Variants in CEP131 observed in about 807,000 individuals in gnomAD.
CEP131 encodes the protein centrosomal protein 131, also known as centrosomal protein of 131 kDa.
CEP131 carries 99 observed loss-of-function variants against 136.8 expected under a neutral mutation model. That is an observed-to-expected ratio of 0.72 (90% CI 0.62 to 0.86). The LOEUF is 0.86. Ranked by LOEUF, CEP131 falls within the 40% of genes least tolerant of loss-of-function variation. CEP131 has a pLI of 0.00. For missense variants in CEP131, 1,459 were observed against 1,463.0 expected, an observed-to-expected ratio of 1.00 and a Z score of 0.04; for synonymous variants, 646 against 612.7, an observed-to-expected ratio of 1.05 and a Z score of -0.80.
intron 2 of CEP131, among the ~76,000 whole-genome samples, chr17:81,218,732 G>A (rs571055402): frequency 1.4e-4 from 21 of 152,330 alleles, no homozygotes; most frequent in Admixed American, 2.6e-4. Flanking sequence ...GCCGTCTGGC[G>A]GGCCACACCC....
At position 81,197,585 on chromosome 17, in the gene CEP131, C is replaced by T. The variant is rs534072152; in HGVS notation, c.1647+127G>A. 3.4e-4 allele frequency: 458 copies of T among 1,364,268 alleles called. 3 individuals carry two copies. The highest frequency in any genetic ancestry group is 2.0e-3 in the African/African-American group (127 of 64,802). The allele number at this position is 1,364,268 out of a possible 1,614,324, so 84.5% of individuals were successfully genotyped here. On this transcript the variant is annotated intron_variant, in intron 13 of 25. Coordinates refer to ENST00000450824, the MANE Select transcript of CEP131 (RefSeq NM_014984.4). ...CTGCTGGGGGCCGGGTGGGGGCTGGCGAGAGACCTCCTCCCCCTGGGGGCC... is the reference window on the plus strand; with the variant it reads ...CTGCTGGGGGCCGGGTGGGGGCTGGTGAGAGACCTCCTCCCCCTGGGGGCC...
chr17:81,211,442 G>A (rs1026688037), intron 2 of CEP131, among the ~76,000 whole-genome samples: 3 of 152,232 alleles, frequency 2.0e-5, no homozygotes, highest in Non-Finnish European at 4.4e-5. Context: ...AGTGAGGAGA[G>A]GATTGACAAG....
chr17:81,205,056 C>G (rs113636207), intron 5 of CEP131, among the ~76,000 whole-genome samples: 2,162 of 152,002 alleles, frequency 0.014, 49 homozygotes, highest in African/African-American at 0.046. Context: ...GTTAGGGGTT[C>G]GAGACCAGTC....
chr17:81,207,939 A>ACG (rs2062045905), intron 3 of CEP131, among the ~76,000 whole-genome samples: 1 of 135,528 alleles, frequency 7.4e-6, no homozygotes, highest in Non-Finnish European at 1.6e-5. Flanking sequence ...CACACACCAT[A>ACG]CACCACACAC....
At position 81,209,108 on chromosome 17, in the gene CEP131, G is replaced by A. The variant is rs1053775633; in HGVS notation, c.178-86C>T. 1.2e-5 allele frequency: 12 copies of A among 1,018,234 alleles called. No homozygotes were observed. In the Admixed American group the frequency reaches 1.7e-4, roughly 14 times the overall value. 63.1% of individuals were successfully genotyped at this position (1,018,234 alleles called of 1,614,324 possible). Reference sequence around the variant, plus strand: ...CCTCCGCCAGCTTTGGAGAAACGCAGTCAGAGAACAGAGGGGTGGCCCTAG... The same window carrying A: ...CCTCCGCCAGCTTTGGAGAAACGCAATCAGAGAACAGAGGGGTGGCCCTAG... On this transcript the variant is annotated intron_variant, in intron 2 of 25. Transcript: ENST00000450824.
rs763281574 is a variant in CEP131 at position 81,202,323 on chromosome 17, A to G, written c.705T>C (p.Ser235=). 3 of 1,613,522 alleles carry G rather than the reference A, an allele frequency of 1.9e-6. No homozygotes were observed. In the East Asian group the frequency reaches 6.7e-5, roughly 36 times the overall value. The change falls in exon 7 of 26, where the codon AGT becomes AGC. Residue 235 remains serine, a synonymous_variant. Transcript: ENST00000450824. The part of the protein sequence containing the change: ...GFGKLPKNVS[S]ATHSARNNTG... ...TATTGTTCCGGGCTGAGTGGGTGGC[A>G]CTGGAGACATTCTTCGGCAGCTTCC...
At chr17:81,192,635 A>G in intron 19 of CEP131, 42 bp from the exon 20 acceptor site, 1 of 1,337,006 alleles carries the variant, frequency 7.5e-7, no homozygotes, top group Non-Finnish European at 1.0e-6. Flanking sequence ...GTCATCGAGT[A>G]AGGAGTCAGG....
Position 81,207,110 on chromosome 17 carries a change from C to T in CEP131, c.387+15G>A. 6.2e-7 allele frequency: 1 copy of T among 1,604,034 alleles called. No homozygotes were observed. The highest frequency in any genetic ancestry group is 1.1e-5 in the South Asian group (1 of 90,362). On this transcript the variant is annotated intron_variant, in intron 4 of 25. Transcript: ENST00000450824. ...TCACAGAGACCAGGACGTGGGGCCG[C>T]ATGCACCACCTTACCAGGACGTTCC...
rs2062056871 is a variant in CEP131 at position 81,208,178 on chromosome 17, T to G, written c.272+750A>C. ...TTGGCAGTCCCTTGCTTGGTGGGACTCCACGAAGCTAGTTGCTGAGCTAAG... is the reference window on the plus strand; with the variant it reads ...TTGGCAGTCCCTTGCTTGGTGGGACGCCACGAAGCTAGTTGCTGAGCTAAG... On this transcript the variant is annotated intron_variant, in intron 3 of 25. Coordinates refer to ENST00000450824, the MANE Select transcript of CEP131 (RefSeq NM_014984.4). The surrounding 1 kb of genome is among the most constrained non-coding windows in gnomAD (Gnocchi z 5.6). Among the ~76,000 whole-genome samples the G allele has an allele frequency of 6.6e-6, 1 of 150,992 alleles. No individual in the cohort carries two copies. Among genetic ancestry groups the G allele is most frequent in the Admixed American group, 6.6e-5 (1 of 15,188 alleles).
chr17:81,197,303 C>G (rs1287040714), intron 13 of CEP131: 1 of 579,762 alleles, frequency 1.7e-6, no homozygotes, highest in African/African-American at 1.9e-5. Flanking sequence ...TGCTGCCCAG[C>G]TTCCTGCCCT....
At chr17:81,199,897 C>T (rs993546819) in intron 8 of CEP131, 62 bp from the exon 9 acceptor site, 28 of 1,548,550 alleles carry the variant, frequency 1.8e-5, no homozygotes, top group Non-Finnish European at 2.4e-5. Flanking sequence ...AGACCCAGAC[C>T]AGAGGTTTCC....
chr17:81,220,245 T>C (rs1281370685), intron 1 of CEP131, among the ~76,000 whole-genome samples, 172 bp from the exon 2 acceptor site: 1 of 152,120 alleles, frequency 6.6e-6, no homozygotes, highest in Non-Finnish European at 1.5e-5. Context: ...GACAGGAACA[T>C]GAGGGAGCTG....
rs887847337 is a variant in CEP131 at position 81,208,255 on chromosome 17, T to C, written c.272+673A>G. 1.3e-5 allele frequency among the ~76,000 whole-genome samples: 2 copies of C among 152,258 alleles called. No individual in the cohort carries two copies. Among genetic ancestry groups the C allele is most frequent in the Non-Finnish European group, 2.9e-5 (2 of 68,012 alleles). ...AGGGTGTGGTGGCCGCAGTTCTTGG[T>C]CTTCCCAGGAAGGGTCCACCCGGGG... is the stretch of plus-strand genomic sequence containing the variant. On this transcript the variant is annotated intron_variant, in intron 3 of 25. Transcript: ENST00000450824. The surrounding 1 kb of genome is among the most constrained non-coding windows in gnomAD (Gnocchi z 5.6).
chr17:81,201,913 A>G (rs1022952043), intron 7 of CEP131, among the ~76,000 whole-genome samples: 3 of 152,112 alleles, frequency 2.0e-5, no homozygotes, highest in Non-Finnish European at 2.9e-5. Flanking sequence ...CATCCTGGCT[A>G]ACACGGTGAA....
At position 81,192,773 on chromosome 17, in the gene CEP131, C is replaced by T. The variant is rs1401258569; in HGVS notation, c.2392G>A (p.Ala798Thr). 1.3e-6 allele frequency: 2 copies of T among 1,595,290 alleles called. No individual in the cohort carries two copies. The highest frequency in any genetic ancestry group is 1.7e-6 in the Non-Finnish European group (2 of 1,176,520). ...TGGCCCAGCCGCTCCCTCTCCTCAG[C>T]CACCTCACTGTACAGCCGCTGCCGT... ...QQRQRLYSEV[A>T]EERERLGQQA... is the part of the protein sequence containing the mutation. Residue 798 changes from alanine to threonine, a missense_variant, in exon 19 of 26, where the codon GCT (alanine) becomes ACT (threonine). Ala to Thr is a moderately conservative substitution (Grantham distance 58). This residue lies in a region of CEP131 where 1,026 missense variants were observed against 964.2 expected (regional missense o/e 1.06). Transcript: ENST00000450824.
In CEP131 at chr17:81,202,387, T is replaced by C. The variant is rs757108585; in HGVS notation, c.641A>G (p.Lys214Arg). The change falls in exon 7 of 26, where the codon AAG (lysine) becomes AGG (arginine). Residue 214 changes from lysine (K) to arginine (R), a missense_variant. This residue lies in a region of CEP131 where 246 missense variants were observed against 318.9 expected (regional missense o/e 0.77). Coordinates refer to ENST00000450824, the MANE Select transcript of CEP131 (RefSeq NM_014984.4). The part of the protein sequence containing the change: ...QTAPSLNNII[K>R]AATCEGSESS... ...CTCACTGCCCTCACAGGTGGCTGCC[T>C]TGATGATGTTGCTGACAGGTAAGAA... is the stretch of plus-strand genomic sequence containing the variant. 6.2e-7 allele frequency: 1 copy of C among 1,613,016 alleles called. No individual in the cohort carries two copies. The highest frequency in any genetic ancestry group is 8.5e-7 in the Non-Finnish European group (1 of 1,179,806).
rs763785267 is a variant in CEP131 at position 81,200,334 on chromosome 17, G to A, written c.901C>T (p.Arg301Trp). ...ACTGAGACGCCCACACTGACCTCCC[G>A]CTTGGCCTGAAGCAAGTGCTCCAGG... ...ARLEHLLQAKREEQRQRSGEG... is the reference protein window; with the variant it reads ...ARLEHLLQAKWEEQRQRSGEG... Residue 301 changes from arginine to tryptophan, a missense_variant, in exon 8 of 26, where the codon CGG (arginine) becomes TGG (tryptophan). Arg to Trp is a moderately radical substitution (Grantham distance 101, BLOSUM62 -3). Coordinates refer to ENST00000450824, the MANE Select transcript of CEP131 (RefSeq NM_014984.4). The A allele has an allele frequency of 8.1e-6, 13 of 1,600,812 alleles. No individual in the cohort carries two copies. The highest frequency in any genetic ancestry group is 2.2e-5 in the South Asian group (2 of 89,060).
chr17:81,192,869 C>T (rs374146227), intron 18 of CEP131, 26 bp from the exon 19 acceptor site: 343 of 1,588,498 alleles, frequency 2.2e-4, no homozygotes, highest in Non-Finnish European at 2.7e-4. Context: ...GACTGGCTCT[C>T]GGGGGCCGGG....
intron 2 of CEP131, among the ~76,000 whole-genome samples, chr17:81,216,307 C>T (rs551574721): frequency 1.3e-5 from 2 of 151,310 alleles, no homozygotes; most frequent in African/African-American, 4.9e-5. Flanking sequence ...TGCAGTGAGC[C>T]GAGATCTCAC....
Sources: allele counts gnomAD v4.1 joint callset (sites outside exome capture counted in the v4.1 genomes callset), GRCh38; gene constraint gnomAD v4.1.1; regional missense constraint gnomAD v4.1.1; non-coding constraint Gnocchi (gnomAD v3.1); transcripts MANE v1.5; gene names NCBI Gene and HGNC (gene_info 2026-07-23, HGNC 2026-07-21).